Variants in DYM observed in about 807,000 individuals in gnomAD.
DYM encodes dyggve-Melchior-Clausen syndrome protein.
A neutral mutation model predicts 93.1 loss-of-function variants in DYM; 78 were observed. The ratio of observed to expected loss-of-function variants is 0.84; its 90% CI spans 0.70 to 1.01. The LOEUF (loss-of-function observed/expected upper bound fraction) is 1.01. Among genes scored for constraint, DYM ranks in the 50% least tolerant of loss-of-function variants. The probability of loss-of-function intolerance (pLI) is 0.00; values close to 1 mark genes in which losing one functional copy is unlikely to be tolerated. For missense variants in DYM, 789 were observed against 845.0 expected, an observed-to-expected ratio of 0.93 and a Z score of 0.82; for synonymous variants, 321 against 319.7, an observed-to-expected ratio of 1.00 and a Z score of -0.04.
intron 14 of DYM, among the ~76,000 whole-genome samples, chr18:49,164,291 G>A (rs183765352): frequency 7.2e-5 from 11 of 152,060 alleles, no homozygotes. Context: ...GGCCATGACA[G>A]ATTAACTGAT....
chr18:49,045,414 A>G (rs2071347055), intron 17 of DYM, among the ~76,000 whole-genome samples: 1 of 152,220 alleles, frequency 6.6e-6, no homozygotes. Context: ...AGGGCCAACT[A>G]TGTCCCAGAC....
chr18:49,387,642 G>A (rs116364379), intron 3 of DYM, among the ~76,000 whole-genome samples: 194 of 152,236 alleles, frequency 1.3e-3, no homozygotes, highest in African/African-American at 4.5e-3. Context: ...CAGATGATGT[G>A]TTAGCATTTT....
At chr18:49,156,021 G>A (rs1324194341) in intron 15 of DYM, among the ~76,000 whole-genome samples, 1 of 152,260 alleles carries the variant, frequency 6.6e-6, no homozygotes, top group South Asian at 2.1e-4. Context: ...CAGTACATGA[G>A]GATTCTAATT....
chr18:49,313,459 T>C (rs2061723407), intron 8 of DYM, among the ~76,000 whole-genome samples: 1 of 16,908 alleles, frequency 5.9e-5, no homozygotes, highest in Non-Finnish European at 1.3e-4. Context: ...CAAGACTCTG[T>C]CACAAAAAAA....
intron 13 of DYM, among the ~76,000 whole-genome samples, chr18:49,233,230 G>A (rs2093762598): frequency 6.6e-6 from 1 of 151,760 alleles, no homozygotes. Context: ...ACTTGGTGTT[G>A]CACCTGTAAT....
intron 13 of DYM, among the ~76,000 whole-genome samples, chr18:49,240,635 A>T (rs756857409): frequency 5.3e-5 from 8 of 152,042 alleles, no homozygotes; most frequent in Non-Finnish European, 7.4e-5. Flanking sequence ...TTTAATTTTG[A>T]CTTGAAAATT....
chr18:49,237,334 T>G (rs1380973214), intron 13 of DYM, among the ~76,000 whole-genome samples: 1 of 152,240 alleles, frequency 6.6e-6, no homozygotes, highest in East Asian at 1.9e-4. Flanking sequence ...CAATATTCAC[T>G]GGATAAATTC....
At chr18:49,245,189 T>A (rs1289492655) in intron 13 of DYM, among the ~76,000 whole-genome samples, 1 of 152,242 alleles carries the variant, frequency 6.6e-6, no homozygotes, top group Non-Finnish European at 1.5e-5. Flanking sequence ...TGAGGATGTA[T>A]GTCACTTCGG....
chr18:49,107,249 A>T (rs2080920878), intron 16 of DYM, among the ~76,000 whole-genome samples: 1 of 152,156 alleles, frequency 6.6e-6, no homozygotes. Flanking sequence ...CTTGGTTTTC[A>T]GCTCCATTAG....
intron 17 of DYM, among the ~76,000 whole-genome samples, chr18:49,078,474 A>G (rs1030421913): frequency 1.3e-5 from 2 of 152,168 alleles, no homozygotes; most frequent in African/African-American, 2.4e-5. Flanking sequence ...CCTCTCCTAT[A>G]TACTATAGTT....
At chr18:49,173,941 A>T (rs1391032038) in intron 14 of DYM, among the ~76,000 whole-genome samples, 9 of 152,118 alleles carry the variant, frequency 5.9e-5, no homozygotes, top group Non-Finnish European at 2.9e-5. Context: ...ATCTTAGGGG[A>T]AAAGTATCAT....
At chr18:49,414,959 A>AT (rs1255499488) in intron 2 of DYM, among the ~76,000 whole-genome samples, 2 of 151,822 alleles carry the variant, frequency 1.3e-5, no homozygotes, top group African/African-American at 4.8e-5. Flanking sequence ...TTCCATAACT[A>AT]TTTTTTTAGG....
rs201355939 is a variant in DYM, at chr18:49,378,598, A to C, written c.390T>G (p.Phe130Leu). The C allele has an allele frequency of 1.1e-5, 18 of 1,612,104 alleles. No individual in the cohort carries two copies. The highest frequency in any genetic ancestry group is 1.7e-5 in the Admixed American group (1 of 59,992). Residue 130 changes from phenylalanine to leucine, a missense_variant, in exon 5 of 18, where the codon TTT becomes TTG. This residue lies in a region of DYM where 450 missense variants were observed against 436.2 expected (regional missense o/e 1.03). Coordinates refer to ENST00000675505, the MANE Select transcript of DYM (RefSeq NM_001353214.3). ...TGCCAGGAGATTTTTCTTCATAAGT[A>C]AAATGAAGTTGTAATTCCTCCTCTG... Reference protein sequence around the residue: ...QMSEEELQLHFTYEEKSPGNY... With the variant: ...QMSEEELQLHLTYEEKSPGNY...
At chr18:49,288,340 C>A (rs190029485) in intron 8 of DYM, among the ~76,000 whole-genome samples, 1 of 152,132 alleles carries the variant, frequency 6.6e-6, no homozygotes, top group East Asian at 1.9e-4. Flanking sequence ...ATCAAAATAG[C>A]AACAAATCCA....
At chr18:49,134,954 AC>A (rs1333227108) in intron 15 of DYM, among the ~76,000 whole-genome samples, 4 of 152,018 alleles carry the variant, frequency 2.6e-5, no homozygotes, top group African/African-American at 9.7e-5. Context: ...TAAAAATACA[AC>A]AAATTAGCTG....
intron 6 of DYM, among the ~76,000 whole-genome samples, chr18:49,344,289 C>T (rs2064400433): frequency 6.6e-6 from 1 of 152,132 alleles, no homozygotes; most frequent in Non-Finnish European, 1.5e-5. Context: ...TTACCACGTT[C>T]CCTCACATCT....
chr18:49,147,197 A>G (rs1271897826), intron 15 of DYM, among the ~76,000 whole-genome samples: 2 of 152,136 alleles, frequency 1.3e-5, no homozygotes, highest in African/African-American at 2.4e-5. Context: ...AAATTAATTC[A>G]AGATGGATTA....
intron 17 of DYM, among the ~76,000 whole-genome samples, chr18:49,075,924 C>G (rs2077265051): frequency 6.6e-6 from 1 of 152,198 alleles, no homozygotes; most frequent in Non-Finnish European, 1.5e-5. Context: ...GTTTAAACCC[C>G]ATACACTTAA....
At chr18:49,279,861 C>T (rs1356579252) in intron 10 of DYM, among the ~76,000 whole-genome samples, 2 of 152,178 alleles carry the variant, frequency 1.3e-5, no homozygotes, top group Non-Finnish European at 1.5e-5. Flanking sequence ...ACTTTCACCA[C>T]ACTTTTTGTT....
Sources: allele counts gnomAD v4.1 joint callset (sites outside exome capture counted in the v4.1 genomes callset), GRCh38; gene constraint gnomAD v4.1.1; regional missense constraint gnomAD v4.1.1; transcripts MANE v1.5; gene names NCBI Gene and HGNC (gene_info 2026-07-23, HGNC 2026-07-21).